SENP1: variants seen among roughly 807,000 people sequenced by gnomAD.
The protein encoded by SENP1 is sentrin-specific protease 1.
SENP1 carries 21 observed loss-of-function variants against 93.0 expected under a neutral mutation model. The ratio of observed to expected loss-of-function variants is 0.23; its 90% CI spans 0.16 to 0.33. SENP1 has a LOEUF of 0.33. Ranked by LOEUF, SENP1 falls within the 10% of genes least tolerant of loss-of-function variation. The pLI is 1.00. For synonymous variants in SENP1, 256 were observed against 259.6 expected, an observed-to-expected ratio of 0.99 and a Z score of 0.13; for missense variants, 591 against 758.7, an observed-to-expected ratio of 0.78 and a Z score of 2.60.
At chr12:48,068,227 A>G (rs563265453) in intron 9 of SENP1, among the ~76,000 whole-genome samples, 1 of 152,120 alleles carries the variant, frequency 6.6e-6, no homozygotes, top group Non-Finnish European at 1.5e-5. Context: ...GTTTTCTTCA[A>G]TGGATCAAGG....
At chr12:48,066,074 AAC>A (rs1305986470) in intron 10 of SENP1, among the ~76,000 whole-genome samples, 1 of 152,208 alleles carries the variant, frequency 6.6e-6, no homozygotes, top group Non-Finnish European at 1.5e-5. Flanking sequence ...AACATTTGTA[AAC>A]ACACAGTTCT....
At chr12:48,052,353 C>T (rs1476317216) in intron 13 of SENP1, among the ~76,000 whole-genome samples, 1 of 152,154 alleles carries the variant, frequency 6.6e-6, no homozygotes, top group Non-Finnish European at 1.5e-5. Flanking sequence ...ATAGTTTGAA[C>T]TCTTCTAATT....
intron 13 of SENP1, among the ~76,000 whole-genome samples, chr12:48,053,559 G>A (rs751660416): frequency 7.3e-5 from 11 of 151,418 alleles, no homozygotes; most frequent in Non-Finnish European, 1.3e-4. Context: ...AATAAAAATC[G>A]GGTGACTTTA....
chr12:48,068,443 CA>C (rs1197205478), intron 9 of SENP1, among the ~76,000 whole-genome samples: 2 of 152,050 alleles, frequency 1.3e-5, no homozygotes, highest in African/African-American at 4.8e-5. Flanking sequence ...TAAACCTCAA[CA>C]TAATATATAA....
At chr12:48,050,938 T>C (rs1284122716) in intron 13 of SENP1, among the ~76,000 whole-genome samples, 4 of 152,138 alleles carry the variant, frequency 2.6e-5, no homozygotes, top group Admixed American at 2.6e-4. Context: ...ACAGCTTATA[T>C]ATTCCAACAA....
At chr12:48,066,820 T>C in intron 10 of SENP1, 107 bp downstream of exon 10, 1 of 891,974 alleles carries the variant, frequency 1.1e-6, no homozygotes, top group Non-Finnish European at 1.8e-6. Context: ...CCTAAACAGG[T>C]ACTTCTTATT....
Position 48,049,067 on chromosome 12 carries a change from A to T in SENP1, c.1473T>A (p.His491Gln). The T allele has an allele frequency of 6.2e-7, 1 of 1,613,640 alleles. No homozygotes were observed. The highest frequency in any genetic ancestry group is 8.5e-7 in the Non-Finnish European group (1 of 1,179,582). Residue 491 changes from histidine to glutamine, a missense_variant, in exon 14 of 18, where the codon CAT becomes CAA. Coordinates refer to ENST00000549518, the MANE Select transcript of SENP1 (RefSeq NM_001267594.2). ...RSKEKGLPSV[H>Q]AFNTFFFTKL... ...TAGTGAAGAAAAAGGTATTAAATGCATGCACACTTGGCAAGCCCTTCTCTT... is the reference window on the plus strand; with the variant it reads ...TAGTGAAGAAAAAGGTATTAAATGCTTGCACACTTGGCAAGCCCTTCTCTT...
intron 13 of SENP1, among the ~76,000 whole-genome samples, chr12:48,054,379 T>C (rs1040353276): frequency 1.2e-4 from 18 of 152,238 alleles, no homozygotes; most frequent in African/African-American, 4.1e-4. Context: ...TTACTGATAA[T>C]ATTCCTTGTT....
chr12:48,081,450 T>C (rs12301339), intron 6 of SENP1: 25,273 of 152,008 alleles, frequency 0.17, 2,428 homozygotes, highest in East Asian at 0.28. Flanking sequence ...AATCTCCTTT[T>C]CATCATTGTT....
intron 6 of SENP1, among the ~76,000 whole-genome samples, chr12:48,080,759 A>C (rs961036848): frequency 6.6e-6 from 1 of 152,232 alleles, no homozygotes; most frequent in Admixed American, 6.5e-5. Context: ...TATTCATGTT[A>C]TATGGCTTAT....
At chr12:48,094,353 C>G (rs1289278639) in intron 4 of SENP1, among the ~76,000 whole-genome samples, 1 of 152,048 alleles carries the variant, frequency 6.6e-6, no homozygotes, top group African/African-American at 2.4e-5. Context: ...ACACTCCAAC[C>G]TGGGTGACAG....
chr12:48,051,276 C>T (rs905287432), intron 13 of SENP1, among the ~76,000 whole-genome samples: 24 of 152,168 alleles, frequency 1.6e-4, no homozygotes, highest in Admixed American at 4.6e-4. Flanking sequence ...CAGAGAACCC[C>T]AGTCATCAGA....
chr12:48,065,587 CT>C lies in SENP1; in HGVS notation c.1119+8del, dbSNP rs577950687. 266 of 1,525,164 alleles carry C rather than the reference CT, an allele frequency of 1.7e-4. No individual in the cohort carries two copies. The African/African-American group carries it at 3.4e-3, about 20-fold the overall frequency. The allele number at this position is 1,525,164 out of a possible 1,614,324, so 94.5% of individuals were successfully genotyped here. A position where few individuals can be genotyped will look rare whatever the true frequency, so the allele number is the denominator to read the frequency against. ...TTATTTGTAATATTATTCCAATTTT[CT>C]TTTTTACCTGGTTTTGAAGCTGTAA... On this transcript the variant is annotated splice_region_variant and intron_variant, in intron 11 of 17. Transcript: ENST00000549518.
At chr12:48,076,092 T>C (rs1592386331) in intron 6 of SENP1, among the ~76,000 whole-genome samples, 1 of 152,336 alleles carries the variant, frequency 6.6e-6, no homozygotes, top group Non-Finnish European at 1.5e-5. Context: ...ATCAGTTCTA[T>C]ACAGGTCCCC....
chr12:48,060,919 T>C (rs1592332567), intron 13 of SENP1, among the ~76,000 whole-genome samples: 1 of 152,248 alleles, frequency 6.6e-6, no homozygotes, highest in South Asian at 2.1e-4. Flanking sequence ...ATTCCATTTT[T>C]GAGACGTTTT....
chr12:48,060,669 T>G (rs2136925577), intron 13 of SENP1, among the ~76,000 whole-genome samples: 1 of 152,290 alleles, frequency 6.6e-6, no homozygotes, highest in East Asian at 1.9e-4. Context: ...ACTGCAGCCT[T>G]GACAACCTGG....
intron 12 of SENP1, 76 bp from the exon 13 acceptor site, chr12:48,063,917 T>A: frequency 7.6e-7 from 1 of 1,310,622 alleles, no homozygotes; most frequent in Non-Finnish European, 1.1e-6. Flanking sequence ...AAACCCCATA[T>A]AATCCTCAGA....
At chr12:48,097,824 C>T (rs545391056) in intron 3 of SENP1, 170 bp downstream of exon 3, 51 of 575,212 alleles carry the variant, frequency 8.9e-5, no homozygotes, top group Non-Finnish European at 1.4e-4. Context: ...TCTTAACGTC[C>T]TTGTCTTAAT....
intron 4 of SENP1, among the ~76,000 whole-genome samples, chr12:48,094,416 A>G (rs1945418765): frequency 6.6e-6 from 1 of 152,198 alleles, no homozygotes; most frequent in Admixed American, 6.5e-5. Context: ...ACAGTGGCTC[A>G]TGCCTGTAAT....
Sources: gnomAD v4.1 joint callset for allele counts (sites outside exome capture counted in the v4.1 genomes callset) on GRCh38, gnomAD v4.1.1 for gene constraint, MANE v1.5 for transcripts, NCBI Gene and HGNC (gene_info 2026-07-23, HGNC 2026-07-21) for gene names.